CNTNAP2: variants seen among roughly 807,000 people sequenced by gnomAD.
The protein encoded by CNTNAP2 is contactin associated protein 2, also known as contactin-associated protein-like 2.
CNTNAP2 carries 98 observed loss-of-function variants against 155.2 expected under a neutral mutation model. The observed-to-expected ratio is 0.63, with a 90% CI of 0.54 to 0.75. The LOEUF (loss-of-function observed/expected upper bound fraction) is 0.75. CNTNAP2 is among the 30% of genes least tolerant of loss of function. The probability of loss-of-function intolerance (pLI) is 0.00; values close to 1 mark genes in which losing one functional copy is unlikely to be tolerated. For missense variants in CNTNAP2, 1,727 were observed against 1,688.1 expected (o/e 1.02, Z -0.40); for synonymous variants, 651 against 631.2 (o/e 1.03, Z -0.47).
intron 7 of CNTNAP2, among the ~76,000 whole-genome samples, chr7:147,132,021 T>C (rs575372072): frequency 6.6e-6 from 1 of 152,164 alleles, no homozygotes; most frequent in East Asian, 1.9e-4. Context: ...AAGCTGCTTG[T>C]TATAGTTAGA....
chr7:146,208,892 A>G (rs180832691), intron 1 of CNTNAP2: 42 of 152,224 alleles, frequency 2.8e-4, no homozygotes, highest in African/African-American at 1.0e-3. Flanking sequence ...TGACACATCC[A>G]AGATAAAAAT....
chr7:148,412,384 A>G (rs887053547), intron 23 of CNTNAP2, among the ~76,000 whole-genome samples: 17 of 152,378 alleles, frequency 1.1e-4, no homozygotes, highest in African/African-American at 1.4e-4. Context: ...TAGTATTTCT[A>G]TCTTTACATG....
In CNTNAP2 at chr7:148,396,761, A is replaced by T. The variant is rs187956468; in HGVS notation, c.3716-12630A>T. On this transcript the variant is annotated intron_variant, in intron 22 of 23. Transcript: ENST00000361727. The stretch of plus-strand genomic sequence containing the variant: ...CATAGACTATTCAGAAATTCTAAAG[A>T]CGGATGCAGATTCCTAATTCTGCTG... 3.9e-5 allele frequency among the ~76,000 whole-genome samples: 6 copies of T among 152,326 alleles called. No individual in the cohort carries two copies. In the East Asian group the frequency reaches 1.2e-3, roughly 29 times the overall value.
chr7:146,717,760 G>GA (rs1801216459), intron 1 of CNTNAP2, among the ~76,000 whole-genome samples: 1 of 151,180 alleles, frequency 6.6e-6, no homozygotes, highest in African/African-American at 2.4e-5. Flanking sequence ...ATTAATTGAG[G>GA]TTTTTTTTTG....
intron 1 of CNTNAP2, among the ~76,000 whole-genome samples, chr7:146,261,817 C>T (rs571830362): frequency 1.3e-5 from 2 of 152,086 alleles, no homozygotes; most frequent in South Asian, 2.1e-4. Context: ...GAAAATGTAT[C>T]CTGTAATACC....
chr7:146,605,100 A>G lies in CNTNAP2; in HGVS notation c.98-169171A>G, dbSNP rs917591558. ...AAAAAAAAACAACAAAAAAAAAAAGAAAAAAAAATACTGCAATATCTTCCC... is the reference window on the plus strand; with the variant it reads ...AAAAAAAAACAACAAAAAAAAAAAGGAAAAAAAATACTGCAATATCTTCCC... On this transcript the variant is annotated intron_variant, in intron 1 of 23. Transcript: ENST00000361727. Among the ~76,000 whole-genome samples, 2 of 148,800 alleles carry G rather than the reference A, an allele frequency of 1.3e-5. 1 individual carries two copies. Among genetic ancestry groups the G allele is most frequent in the African/African-American group, 5.0e-5 (2 of 40,312 alleles).
chr7:147,416,951 T>C (rs1214039764), intron 10 of CNTNAP2, among the ~76,000 whole-genome samples: 1 of 152,018 alleles, frequency 6.6e-6, no homozygotes, highest in Admixed American at 6.6e-5. Context: ...TAGCCTGGCA[T>C]AGTGGTGTGC....
intron 3 of CNTNAP2, among the ~76,000 whole-genome samples, chr7:146,914,182 T>G (rs368530700): frequency 1.3e-5 from 2 of 152,154 alleles, no homozygotes; most frequent in East Asian, 3.8e-4. Flanking sequence ...ACACCACATT[T>G]TCTTTATCCA....
At chr7:146,645,190 C>G (rs1799789996) in intron 1 of CNTNAP2, among the ~76,000 whole-genome samples, 1 of 152,126 alleles carries the variant, frequency 6.6e-6, no homozygotes, top group African/African-American at 2.4e-5. Flanking sequence ...CTTATTTGCT[C>G]TTCTATCTCA....
intron 10 of CNTNAP2, among the ~76,000 whole-genome samples, chr7:147,443,932 G>A (rs999606449): frequency 1.7e-4 from 26 of 152,144 alleles, no homozygotes; most frequent in African/African-American, 6.0e-4. Context: ...AGCTACATTT[G>A]TTTGCTACTG....
intron 3 of CNTNAP2, among the ~76,000 whole-genome samples, chr7:146,970,792 C>A (rs1308722190): frequency 1.3e-5 from 2 of 152,130 alleles, no homozygotes; most frequent in African/African-American, 4.8e-5. Flanking sequence ...TTCACAAAAT[C>A]AAAGACTTGG....
At chr7:147,926,017 G>A (rs1423092174) in intron 14 of CNTNAP2, among the ~76,000 whole-genome samples, 1 of 152,182 alleles carries the variant, frequency 6.6e-6, no homozygotes, top group Non-Finnish European at 1.5e-5. Flanking sequence ...ATGTTAAATA[G>A]TATGTAGAAG....
intron 17 of CNTNAP2, among the ~76,000 whole-genome samples, chr7:148,152,170 T>C (rs541588352): frequency 4.6e-5 from 7 of 152,066 alleles, no homozygotes; most frequent in Non-Finnish European, 8.8e-5. Flanking sequence ...ACAATGTTAT[T>C]GCAGTAAATA....
At chr7:146,506,196 C>T (rs745936100) in intron 1 of CNTNAP2, among the ~76,000 whole-genome samples, 2 of 152,116 alleles carry the variant, frequency 1.3e-5, no homozygotes, top group Non-Finnish European at 2.9e-5. Flanking sequence ...GACTGGTGGC[C>T]GTGTCTACAG....
At chr7:147,127,497 C>G (rs1801264973) in intron 6 of CNTNAP2, among the ~76,000 whole-genome samples, 1 of 152,010 alleles carries the variant, frequency 6.6e-6, no homozygotes, top group Admixed American at 6.6e-5. Context: ...CATGGACCTT[C>G]CAGAACACAG....
chr7:148,179,184 C>A (rs1487011075), intron 18 of CNTNAP2, among the ~76,000 whole-genome samples: 1 of 152,118 alleles, frequency 6.6e-6, no homozygotes, highest in Non-Finnish European at 1.5e-5. Context: ...CTCCTGCATC[C>A]CTTCCTGACT....
chr7:146,999,817 T>C (rs1391403320), intron 3 of CNTNAP2, among the ~76,000 whole-genome samples: 1 of 152,076 alleles, frequency 6.6e-6, no homozygotes, highest in East Asian at 1.9e-4. Flanking sequence ...TCCTCTTTTT[T>C]CTTTGATTTT....
intron 13 of CNTNAP2, among the ~76,000 whole-genome samples, chr7:147,887,727 AAC>A (rs1432508009): frequency 2.0e-5 from 3 of 152,226 alleles, no homozygotes; most frequent in African/African-American, 7.2e-5. Context: ...CTGTATGGAA[AAC>A]AAAATCCAGG....
At chr7:148,195,668 G>A (rs900339943) in intron 18 of CNTNAP2, among the ~76,000 whole-genome samples, 1 of 152,180 alleles carries the variant, frequency 6.6e-6, no homozygotes, top group Non-Finnish European at 1.5e-5. Context: ...TTTTTAAAAT[G>A]TTTGAAATAC....
Sources: allele counts gnomAD v4.1 joint callset (sites outside exome capture counted in the v4.1 genomes callset), GRCh38; gene constraint gnomAD v4.1.1; transcripts MANE v1.5; gene names NCBI Gene and HGNC (gene_info 2026-07-23, HGNC 2026-07-21).